RBM19: variants seen among roughly 807,000 people sequenced by gnomAD.
RBM19 encodes the protein probable RNA-binding protein 19.
Under a neutral mutation model 116.8 loss-of-function variants are expected in RBM19, and 94 were observed. The observed-to-expected ratio is 0.80, with a 90% CI of 0.68 to 0.95. The LOEUF is 0.95. Ranked by LOEUF, RBM19 falls within the 40% of genes least tolerant of loss-of-function variation. RBM19 has a pLI of 0.00. For synonymous variants in RBM19, 475 were observed against 494.1 expected (o/e 0.96, Z 0.51); for missense variants, 1,161 against 1,220.7 (o/e 0.95, Z 0.73).
chr12:113,873,775 A>C lies in RBM19; in HGVS notation c.2559-14879T>G, dbSNP rs921138480. 2.0e-5 allele frequency among the ~76,000 whole-genome samples: 3 copies of C among 152,148 alleles called. No homozygotes were observed. In the East Asian group the frequency reaches 5.8e-4, roughly 29 times the overall value. The stretch of plus-strand genomic sequence containing the variant: ...CAACATTTTCAGAGGGCTGATACTT[A>C]AAGGTATAAGGTGGCAAAGTCACTT... On this transcript the variant is annotated intron_variant, in intron 21 of 23. Transcript: ENST00000261741.
intron 21 of RBM19, among the ~76,000 whole-genome samples, chr12:113,910,093 G>A (rs1295934082): frequency 2.0e-5 from 3 of 152,080 alleles, no homozygotes; most frequent in Admixed American, 2.0e-4. Flanking sequence ...ACATTCCCAC[G>A]CCATCCTCAG....
At chr12:113,960,394 T>A (rs1219878743) in intron 2 of RBM19, among the ~76,000 whole-genome samples, 1 of 152,222 alleles carries the variant, frequency 6.6e-6, no homozygotes, top group Non-Finnish European at 1.5e-5. Flanking sequence ...TCTGTAATAC[T>A]GTAATGGTAA....
intron 21 of RBM19, among the ~76,000 whole-genome samples, chr12:113,881,184 G>A (rs953681005): frequency 6.6e-6 from 1 of 152,154 alleles, no homozygotes; most frequent in Non-Finnish European, 1.5e-5. Context: ...GGCTTTTCTC[G>A]AGCGAGTTTC....
chr12:113,927,141 TTCCTCC>T lies in RBM19; in HGVS notation c.2151_2156del (p.Glu724_Glu725del). The T allele has an allele frequency of 6.2e-7, 1 of 1,611,108 alleles. No individual in the cohort carries two copies. The highest frequency in any genetic ancestry group is 1.1e-5 in the South Asian group (1 of 90,654). ...GGAGGCTCTCTTCTTCTTCTTCCTC[TTCCTCC>T]TCCTCCTCTTCCATCTTTGCTGAAG... On this transcript the variant is annotated inframe_deletion, in exon 17 of 24. Transcript: ENST00000261741.
At position 113,878,671 on chromosome 12, in the gene RBM19, A is replaced by C. The variant is rs147722691; in HGVS notation, c.2559-19775T>G. On this transcript the variant is annotated intron_variant, in intron 21 of 23. Transcript: ENST00000261741. Reference sequence around the variant, plus strand: ...CACACACACACACACACACACACACACCCTCACTCAGCAAACGTCCCATAG... The same window carrying C: ...CACACACACACACACACACACACACCCCCTCACTCAGCAAACGTCCCATAG... 2.8e-3 allele frequency among the ~76,000 whole-genome samples: 395 copies of C among 141,986 alleles called. 2 individuals carry two copies. Among genetic ancestry groups the C allele is most frequent in the African/African-American group, 9.2e-3 (332 of 36,224 alleles). 93.1% of individuals were successfully genotyped at this position (141,986 alleles called of 152,430 possible).
chr12:113,855,919 C>T (rs1399232203), intron 22 of RBM19, among the ~76,000 whole-genome samples: 2 of 152,324 alleles, frequency 1.3e-5, no homozygotes, highest in East Asian at 3.9e-4. Flanking sequence ...TCCAGACAGA[C>T]CTGGAGCTGG....
chr12:113,946,310 G>A (rs1266993664), intron 12 of RBM19, 44 bp downstream of exon 12: 1 of 1,613,414 alleles, frequency 6.2e-7, no homozygotes, highest in African/African-American at 1.3e-5. Flanking sequence ...GAGGGTGGCA[G>A]AGGGTTGGGG....
chr12:113,862,799 T>G (rs1288485796), intron 21 of RBM19, among the ~76,000 whole-genome samples: 1 of 152,176 alleles, frequency 6.6e-6, no homozygotes, highest in African/African-American at 2.4e-5. Flanking sequence ...TAGCAATTAC[T>G]GTATCAGAAG....
chr12:113,892,861 C>T (rs997447861), intron 21 of RBM19, among the ~76,000 whole-genome samples: 1 of 152,008 alleles, frequency 6.6e-6, no homozygotes. Flanking sequence ...TATCCGTGTT[C>T]GGTGCAGGTA....
At chr12:113,942,544 G>GGATGCCGCTCACCTTCCTACATT in intron 13 of RBM19, 110 bp from the exon 14 acceptor site, 2 of 820,148 alleles carry the variant, frequency 2.4e-6, no homozygotes, top group Non-Finnish European at 3.8e-6. Context: ...TGGATTCCAC[G>GGATGCCGCTCACCTTCCTACATT]GATGCCGCTC....
In RBM19 at chr12:113,918,243, T is replaced by A. The variant is rs949917633; in HGVS notation, c.2441+149A>T. The A allele has an allele frequency of 2.0e-5, 15 of 756,000 alleles. No individual in the cohort carries two copies. In the African/African-American group the frequency reaches 2.7e-4, roughly 13 times the overall value. The allele number at this position is 756,000 out of a possible 1,614,324, so 46.8% of individuals were successfully genotyped here. A position where few individuals can be genotyped will look rare whatever the true frequency, so the allele number is the denominator to read the frequency against. On this transcript the variant is annotated intron_variant, in intron 20 of 23. Coordinates refer to ENST00000261741, the MANE Select transcript of RBM19 (RefSeq NM_016196.4). ...TCGGACTTGGTAAATGCCAACATAATTAGGCATCTTAATTAGGAAGAGTCC... is the reference window on the plus strand; with the variant it reads ...TCGGACTTGGTAAATGCCAACATAAATAGGCATCTTAATTAGGAAGAGTCC...
chr12:113,945,719 G>T (rs1870950010), intron 13 of RBM19, 109 bp downstream of exon 13: 3 of 897,944 alleles, frequency 3.3e-6, no homozygotes, highest in Non-Finnish European at 5.1e-6. Context: ...CAAGAGGAAA[G>T]CCCTGGCGGC....
intron 16 of RBM19, among the ~76,000 whole-genome samples, chr12:113,933,703 A>G (rs946074204): frequency 1.3e-5 from 2 of 152,216 alleles, no homozygotes; most frequent in African/African-American, 2.4e-5. Context: ...CGTAAACCAC[A>G]GCATGCTATC....
intron 23 of RBM19, among the ~76,000 whole-genome samples, chr12:113,829,494 T>C (rs771790043): frequency 1.3e-5 from 2 of 152,222 alleles, no homozygotes; most frequent in Non-Finnish European, 1.5e-5. Context: ...CCGTAAGGAT[T>C]CCTGCCTTCA....
chr12:113,843,096 C>T lies in RBM19; in HGVS notation c.2785+1572G>A, dbSNP rs577083428. On this transcript the variant is annotated intron_variant, in intron 23 of 23. Coordinates refer to ENST00000261741, the MANE Select transcript of RBM19 (RefSeq NM_016196.4). Reference sequence around the variant, plus strand: ...AGACGCTGCTTCTCAGAAGCCCAGTCGTTTCGCCCTAAGCAAGACCAGTGG... The same window carrying T: ...AGACGCTGCTTCTCAGAAGCCCAGTTGTTTCGCCCTAAGCAAGACCAGTGG... 1.2e-4 allele frequency among the ~76,000 whole-genome samples: 19 copies of T among 152,336 alleles called. 1 individual carries two copies. In the South Asian group the frequency reaches 3.7e-3, roughly 30 times the overall value.
At chr12:113,832,520 T>C (rs1221546808) in intron 23 of RBM19, among the ~76,000 whole-genome samples, 1 of 152,162 alleles carries the variant, frequency 6.6e-6, no homozygotes, top group Non-Finnish European at 1.5e-5. Flanking sequence ...AGGTCAGGGA[T>C]AAATCACCCA....
At chr12:113,854,556 A>C (rs1402667809) in intron 22 of RBM19, among the ~76,000 whole-genome samples, 2 of 152,152 alleles carry the variant, frequency 1.3e-5, no homozygotes, top group Non-Finnish European at 2.9e-5. Flanking sequence ...GGAGGTTTAG[A>C]TAACACCAGC....
chr12:113,919,629 C>T (rs1014762284), intron 19 of RBM19, among the ~76,000 whole-genome samples: 2 of 152,154 alleles, frequency 1.3e-5, no homozygotes, highest in African/African-American at 4.8e-5. Context: ...GGTGCCAATC[C>T]CAGGCTGTTT....
At chr12:113,838,603 T>C (rs775948479) in intron 23 of RBM19, among the ~76,000 whole-genome samples, 18 of 152,198 alleles carry the variant, frequency 1.2e-4, no homozygotes, top group Non-Finnish European at 1.9e-4. Context: ...TGAGGACCTG[T>C]ATTTACCTCC....
Sources: gnomAD v4.1 joint callset for allele counts (sites outside exome capture counted in the v4.1 genomes callset) on GRCh38, gnomAD v4.1.1 for gene constraint, MANE v1.5 for transcripts, NCBI Gene and HGNC (gene_info 2026-07-23, HGNC 2026-07-21) for gene names.